The following CTU2 variants were observed in gnomAD, a reference collection of about 807,000 sequenced individuals.
CTU2 encodes cytosolic thiouridylase subunit 2.
In CTU2, 80 loss-of-function variants were observed where a neutral mutation model predicts 64.1. That is an observed-to-expected ratio of 1.25 (90% confidence interval 1.04 to 1.50). The LOEUF (loss-of-function observed/expected upper bound fraction) is 1.50, where lower values mean the gene tolerates loss of function less well. Among genes scored for constraint, CTU2 ranks in the 40% most tolerant of loss-of-function variants. The pLI is 0.00. For missense variants in CTU2, 1,110 were observed against 690.2 expected (o/e 1.61, Z -6.81); for synonymous variants, 482 against 285.3 (o/e 1.69, Z -6.95).
At chr16:88,711,134 AGTTTTCT>A (rs1225229654) in intron 4 of CTU2, among the ~76,000 whole-genome samples, 4 of 152,074 alleles carry the variant, frequency 2.6e-5, no homozygotes, top group East Asian at 1.9e-4. Context: ...TGCTGAAATT[AGTTTTCT>A]GTTTTCTGAG....
At chr16:88,707,671 A>G (rs1348430926) in intron 2 of CTU2, among the ~76,000 whole-genome samples, 2 of 152,050 alleles carry the variant, frequency 1.3e-5, no homozygotes, top group African/African-American at 2.4e-5. Flanking sequence ...GGCGCTTGTC[A>G]TGTCTTTCTT....
At chr16:88,708,580 A>C (rs765849299) in intron 2 of CTU2, among the ~76,000 whole-genome samples, 1 of 152,094 alleles carries the variant, frequency 6.6e-6, no homozygotes, top group Non-Finnish European at 1.5e-5. Flanking sequence ...CAGCCTTGAT[A>C]CTTGCCAGTT....
At position 88,713,528 on chromosome 16, in the gene CTU2, C is replaced by A. The variant is rs995066954; in HGVS notation, c.873+81C>A. On this transcript the variant is annotated intron_variant, in intron 8 of 14. Transcript: ENST00000453996. Reference sequence around the variant, plus strand: ...ACCTTTACTGGAGAGTAGCCTCTCGCGTATCAGTCCTGCGGCCTCGGATGG... The same window carrying A: ...ACCTTTACTGGAGAGTAGCCTCTCGAGTATCAGTCCTGCGGCCTCGGATGG... 13 of 1,487,044 alleles carry A rather than the reference C, an allele frequency of 8.7e-6. No individual in the cohort carries two copies. In the East Asian group the frequency reaches 9.5e-5, roughly 11 times the overall value. The allele number at this position is 1,487,044 out of a possible 1,614,324, so 92.1% of individuals were successfully genotyped here.
intron 2 of CTU2, chr16:88,708,834 G>A (rs565464245): frequency 1.3e-5 from 2 of 152,300 alleles, no homozygotes; most frequent in Admixed American, 6.5e-5. Flanking sequence ...TGCCTGCCAG[G>A]ATTGCAGGAG....
In CTU2 at chr16:88,713,466, G is replaced by A; in HGVS notation, c.873+19G>A. ...GGATACGGTAGGCAGGGGCCTGGGTGTTCAGGAGGCCCATCCTCACCTTCA... is the reference window on the plus strand; with the variant it reads ...GGATACGGTAGGCAGGGGCCTGGGTATTCAGGAGGCCCATCCTCACCTTCA... On this transcript the variant is annotated intron_variant, in intron 8 of 14. Coordinates refer to ENST00000453996, the MANE Select transcript of CTU2 (RefSeq NM_001012759.3). 1 of 1,566,050 alleles carries A rather than the reference G, an allele frequency of 6.4e-7. No individual in the cohort carries two copies. Among genetic ancestry groups the A allele is most frequent in the South Asian group, 1.2e-5 (1 of 85,084 alleles).
chr16:88,706,977 A>G (rs1910905506), intron 1 of CTU2, 159 bp from the exon 2 acceptor site: 5 of 687,620 alleles, frequency 7.3e-6, no homozygotes, highest in Non-Finnish European at 1.0e-5. Context: ...GTTTTTCTTG[A>G]AGTTTGGACA....
chr16:88,706,668 C>G, intron 1 of CTU2, 70 bp downstream of exon 1: 1 of 1,181,342 alleles, frequency 8.5e-7, no homozygotes, highest in South Asian at 2.0e-5. Context: ...CCGAAGGGTC[C>G]CGGCCGGGCT....
intron 4 of CTU2, chr16:88,710,603 C>T (rs985591118): frequency 2.1e-4 from 74 of 345,416 alleles, no homozygotes; most frequent in African/African-American, 3.8e-4. Flanking sequence ...GTCCACAGTG[C>T]GTGTGTGCGG....
intron 4 of CTU2, 170 bp downstream of exon 4, chr16:88,710,452 G>A (rs201117211): frequency 1.8e-5 from 9 of 498,278 alleles, no homozygotes; most frequent in South Asian, 1.1e-4. Context: ...CACCAATCAG[G>A]AGCTGAGTCC....
chr16:88,714,696 G>T lies in CTU2; in HGVS notation c.1311G>T (p.Gly437=). ...RTPPGPCCSP[G]VGWAQRCGQG... is the part of the protein sequence containing the mutation. ...CCCCGGGGCCCTGCTGTTCTCCAGG[G>T]GTGGGCTGGGCCCAGCGCTGTGGCC... Residue 437 remains glycine (G), a synonymous_variant, in exon 12 of 15, where the codon GGG becomes GGT. Transcript: ENST00000453996. 1.9e-6 allele frequency: 3 copies of T among 1,611,734 alleles called. No homozygotes were observed. In the South Asian group the frequency reaches 3.3e-5, roughly 18 times the overall value.
chr16:88,710,693 C>T (rs1010462597), intron 4 of CTU2: 2 of 186,430 alleles, frequency 1.1e-5, no homozygotes, highest in African/African-American at 2.4e-5. Context: ...CACTTGACTT[C>T]TGTCCATTTG....
chr16:88,714,857 C>A lies in CTU2; in HGVS notation c.1353-3C>A. 1 of 1,612,618 alleles carries A rather than the reference C, an allele frequency of 6.2e-7. No homozygotes were observed. The highest frequency in any genetic ancestry group is 8.5e-7 in the Non-Finnish European group (1 of 1,179,870). On this transcript the variant is annotated splice_region_variant and splice_polypyrimidine_tract_variant and intron_variant, in intron 12 of 14. Coordinates refer to ENST00000453996, the MANE Select transcript of CTU2 (RefSeq NM_001012759.3). The stretch of plus-strand genomic sequence containing the variant: ...GGGCACACAGCCAGCTCTGCTCCCG[C>A]AGGGAGGACCCCCAAGCCTGCATTG...
chr16:88,712,723 G>T lies in CTU2; in HGVS notation c.555G>T (p.Gln185His). The T allele has an allele frequency of 1.2e-6, 2 of 1,609,738 alleles. No individual in the cohort carries two copies. The highest frequency in any genetic ancestry group is 1.1e-5 in the South Asian group (1 of 90,866). ...CCGTGGACAGCTTCCTCCAGCAGCA[G>T]CATGTGCTGGGGGCCGGGGGTGGTC... Reference protein sequence around the residue: ...KAAVDSFLQQQHVLGAGGGPG... With the variant: ...KAAVDSFLQQHHVLGAGGGPG... The change falls in exon 7 of 15, where the codon CAG (glutamine) becomes CAT (histidine). Residue 185 changes from glutamine to histidine, a missense_variant. Physicochemically the swap from Gln to His is conservative, Grantham distance 24. Coordinates refer to ENST00000453996, the MANE Select transcript of CTU2 (RefSeq NM_001012759.3).
At chr16:88,712,135 C>T in intron 5 of CTU2, 139 bp from the exon 6 acceptor site, 5 of 780,522 alleles carry the variant, frequency 6.4e-6, no homozygotes, top group Middle Eastern at 4.4e-4. Flanking sequence ...AGGAAAATGG[C>T]CGACACCCCA....
intron 2 of CTU2, among the ~76,000 whole-genome samples, chr16:88,707,714 C>T (rs1422702001): frequency 6.6e-6 from 1 of 152,118 alleles, no homozygotes; most frequent in African/African-American, 2.4e-5. Flanking sequence ...CAGTTGTTTC[C>T]ACTAGACTCA....
chr16:88,714,857 C>T lies in CTU2; in HGVS notation c.1353-3C>T. The T allele has an allele frequency of 1.9e-6, 3 of 1,612,618 alleles. No homozygotes were observed. Among genetic ancestry groups the T allele is most frequent in the Non-Finnish European group, 1.7e-6 (2 of 1,179,870 alleles). Reference sequence around the variant, plus strand: ...GGGCACACAGCCAGCTCTGCTCCCGCAGGGAGGACCCCCAAGCCTGCATTG... The same window carrying T: ...GGGCACACAGCCAGCTCTGCTCCCGTAGGGAGGACCCCCAAGCCTGCATTG... On this transcript the variant is annotated splice_region_variant and splice_polypyrimidine_tract_variant and intron_variant, in intron 12 of 14. Transcript: ENST00000453996.
At chr16:88,709,116 A>C (rs1485577549) in intron 2 of CTU2, 2 of 152,194 alleles carry the variant, frequency 1.3e-5, no homozygotes, top group African/African-American at 4.8e-5. Flanking sequence ...CTCTACAAAA[A>C]ATACAACAAT....
In CTU2 at chr16:88,712,660, C is replaced by G. The variant is rs1567649257; in HGVS notation, c.492C>G (p.Ala164=). The change falls in exon 7 of 15, where the codon GCC becomes GCG. Residue 164 remains alanine, a synonymous_variant. Transcript: ENST00000453996. ...CACCGTCGGTGCTTTGGTGCTCTGCCCAGGAGCTGGTGGGATCCGAGGGGG... is the reference window on the plus strand; with the variant it reads ...CACCGTCGGTGCTTTGGTGCTCTGCGCAGGAGCTGGTGGGATCCGAGGGGG... The part of the protein sequence containing the change: ...SLPPSVLWCS[A]QELVGSEGAY... The G allele has an allele frequency of 6.2e-7, 1 of 1,610,462 alleles. No individual in the cohort carries two copies. Among genetic ancestry groups the G allele is most frequent in the Non-Finnish European group, 8.5e-7 (1 of 1,179,590 alleles).
In CTU2 at chr16:88,713,295, G is replaced by C. The variant is rs1243188212; in HGVS notation, c.738-17G>C. 1 of 1,568,758 alleles carries C rather than the reference G, an allele frequency of 6.4e-7. No homozygotes were observed. The highest frequency in any genetic ancestry group is 8.6e-7 in the Non-Finnish European group (1 of 1,160,004). The stretch of plus-strand genomic sequence containing the variant: ...GGTCCTGCACCCCCCAGGCCCCTGA[G>C]ACGCTCTGTGCTTTAGGACCCACCT... On this transcript the variant is annotated splice_polypyrimidine_tract_variant and intron_variant, in intron 7 of 14. Transcript: ENST00000453996.
Sources: allele counts gnomAD v4.1 joint callset (sites outside exome capture counted in the v4.1 genomes callset), GRCh38; gene constraint gnomAD v4.1.1; transcripts MANE v1.5; gene names NCBI Gene and HGNC (gene_info 2026-07-23, HGNC 2026-07-21).